Variants in GLRA3 observed in about 807,000 individuals in gnomAD.
GLRA3 encodes glycine receptor alpha 3.
A neutral mutation model predicts 60.4 loss-of-function variants in GLRA3; 44 were observed. That is an observed-to-expected ratio of 0.73 (90% confidence interval 0.57 to 0.94). GLRA3 has a LOEUF of 0.94. Ranked by LOEUF, GLRA3 falls within the 40% of genes least tolerant of loss-of-function variation. The pLI is 0.00. For synonymous variants in GLRA3, 223 were observed against 192.9 expected (o/e 1.16, Z -1.29); for missense variants, 508 against 564.6 (o/e 0.90, Z 1.02).
intron 1 of GLRA3, among the ~76,000 whole-genome samples, chr4:174,797,471 A>G (rs547605037): frequency 6.6e-6 from 1 of 152,176 alleles, no homozygotes; most frequent in African/African-American, 2.4e-5. Context: ...GGGCTCATAC[A>G]CATTCCCATC....
intron 1 of GLRA3, among the ~76,000 whole-genome samples, chr4:174,791,750 C>T (rs981118344): frequency 3.9e-5 from 6 of 152,084 alleles, no homozygotes; most frequent in Non-Finnish European, 7.4e-5. Flanking sequence ...CATATATTTT[C>T]GTTTCTTTGA....
intron 3 of GLRA3, among the ~76,000 whole-genome samples, chr4:174,755,726 A>G (rs1737666849): frequency 6.6e-6 from 1 of 152,128 alleles, no homozygotes. Context: ...CAGAGAGATT[A>G]AGATATAGAG....
chr4:174,746,197 G>A (rs574862906), intron 3 of GLRA3, among the ~76,000 whole-genome samples: 7 of 152,264 alleles, frequency 4.6e-5, no homozygotes, highest in Admixed American at 6.5e-5. Context: ...GCACTTGTAC[G>A]TTTATCACAG....
intron 5 of GLRA3, among the ~76,000 whole-genome samples, chr4:174,696,152 TA>T: frequency 6.6e-6 from 1 of 151,794 alleles, no homozygotes; most frequent in Non-Finnish European, 1.5e-5. Flanking sequence ...TCAATATCAT[TA>T]AAAAAATGAT....
intron 3 of GLRA3, among the ~76,000 whole-genome samples, chr4:174,748,323 C>G (rs1262292357): frequency 6.6e-6 from 1 of 152,084 alleles, no homozygotes; most frequent in African/African-American, 2.4e-5. Context: ...TTATTGAATA[C>G]TTTGGAAATA....
At chr4:174,776,694 G>T (rs1411812001) in intron 2 of GLRA3, among the ~76,000 whole-genome samples, 12 of 152,138 alleles carry the variant, frequency 7.9e-5, no homozygotes, top group African/African-American at 2.4e-4. Context: ...AGTGTTGAGG[G>T]TGAACCGCTG....
At chr4:174,743,562 C>G (rs1279815474) in intron 3 of GLRA3, among the ~76,000 whole-genome samples, 1 of 151,998 alleles carries the variant, frequency 6.6e-6, no homozygotes, top group African/African-American at 2.4e-5. Flanking sequence ...GATACTGTGC[C>G]CTTCTCATTG....
intron 3 of GLRA3, among the ~76,000 whole-genome samples, chr4:174,738,961 T>C (rs1050089903): frequency 1.3e-5 from 2 of 152,246 alleles, no homozygotes; most frequent in Non-Finnish European, 2.9e-5. Context: ...TATGCCCATA[T>C]ACCAGCTGAA....
At chr4:174,827,459 A>G (rs1741022966) in intron 1 of GLRA3, among the ~76,000 whole-genome samples, 1 of 151,712 alleles carries the variant, frequency 6.6e-6, no homozygotes. Flanking sequence ...TAATCAATTT[A>G]TATTTTAACA....
chr4:174,651,815 AAATG>A (rs1322905521), intron 9 of GLRA3, among the ~76,000 whole-genome samples: 1 of 152,158 alleles, frequency 6.6e-6, no homozygotes, highest in Non-Finnish European at 1.5e-5. Context: ...TTTGTGTTTT[AAATG>A]TGTTCCATGA....
chr4:174,743,905 C>T (rs1737124682), intron 3 of GLRA3, among the ~76,000 whole-genome samples: 1 of 150,096 alleles, frequency 6.7e-6, no homozygotes, highest in East Asian at 1.9e-4. Context: ...AGAACAGGAC[C>T]CCCTCTCTTG....
intron 5 of GLRA3, among the ~76,000 whole-genome samples, chr4:174,705,276 G>A (rs1735470558): frequency 7.0e-6 from 1 of 143,244 alleles, no homozygotes; most frequent in African/African-American, 2.5e-5. Flanking sequence ...TCTGTCTTCT[G>A]TGGGGTGATG....
chr4:174,794,086 C>G (rs918982587), intron 1 of GLRA3, among the ~76,000 whole-genome samples: 22 of 152,124 alleles, frequency 1.4e-4, no homozygotes, highest in African/African-American at 5.1e-4. Context: ...TTCATTAACT[C>G]ATTTCTAAAA....
At chr4:174,803,951 C>T (rs754856106) in intron 1 of GLRA3, among the ~76,000 whole-genome samples, 1 of 152,200 alleles carries the variant, frequency 6.6e-6, no homozygotes, top group African/African-American at 2.4e-5. Flanking sequence ...CCTTGACTGA[C>T]AGACTTGTCT....
At chr4:174,713,145 T>G (rs112086364) in intron 5 of GLRA3, among the ~76,000 whole-genome samples, 6 of 152,238 alleles carry the variant, frequency 3.9e-5, no homozygotes, top group African/African-American at 1.4e-4. Flanking sequence ...TAAATTAAAA[T>G]TAATTCCTAA....
rs982359811 is a variant in GLRA3, at chr4:174,696,449, G to A, written c.575-13510C>T. On this transcript the variant is annotated intron_variant, in intron 5 of 9. Transcript: ENST00000274093. The stretch of plus-strand genomic sequence containing the variant: ...GAATAACATATGGAAAACAACATAT[G>A]TAACAAATATAATACAATACAATAT... 1.0e-4 allele frequency among the ~76,000 whole-genome samples: 15 copies of A among 148,964 alleles called. No homozygotes were observed. In the East Asian group the frequency reaches 1.8e-3, roughly 17 times the overall value.
intron 7 of GLRA3, among the ~76,000 whole-genome samples, chr4:174,661,621 T>C (rs1036808535): frequency 1.3e-5 from 2 of 152,144 alleles, no homozygotes; most frequent in African/African-American, 4.8e-5. Flanking sequence ...TTGCTCCTGG[T>C]CCCATCCCCC....
chr4:174,659,109 A>T lies in GLRA3; in HGVS notation c.1016T>A (p.Phe339Tyr). 3 of 1,613,084 alleles carry T rather than the reference A, an allele frequency of 1.9e-6. No homozygotes were observed. Among genetic ancestry groups the T allele is most frequent in the Non-Finnish European group, 2.5e-6 (3 of 1,179,240 alleles). The change falls in exon 8 of 10, where the codon TTT becomes TAT. Residue 339 changes from phenylalanine to tyrosine, a missense_variant. Physicochemically the swap from Phe to Tyr is conservative, Grantham distance 22. Around this residue, in one of 3 missense-constraint regions of GLRA3, gnomAD observed 176 missense variants for 197.9 expected, o/e 0.89. Coordinates refer to ENST00000274093, the MANE Select transcript of GLRA3 (RefSeq NM_006529.4). ...SALLEYAAVN[F>Y]VSRQHKELLR... ...AAGTTCTTTGTGTTGTCTTGATACA[A>T]AATTTACAGCTGCATACTCCAGAAG...
chr4:174,778,573 T>A lies in GLRA3; in HGVS notation c.199+10243A>T, dbSNP rs563450440. On this transcript the variant is annotated intron_variant, in intron 2 of 9. Transcript: ENST00000274093. ...ATTTCCACCTGAGGTACCGGGTTCA[T>A]CTCACTGGGGAGTGCCAGACAGTGG... 8.5e-5 allele frequency among the ~76,000 whole-genome samples: 13 copies of A among 152,228 alleles called. No individual in the cohort carries two copies. The East Asian group carries it at 2.5e-3, about 30-fold the overall frequency.
Sources: gnomAD v4.1 joint callset for allele counts (sites outside exome capture counted in the v4.1 genomes callset) on GRCh38, gnomAD v4.1.1 for gene constraint, gnomAD v4.1.1 regional missense constraint, MANE v1.5 for transcripts, NCBI Gene and HGNC (gene_info 2026-07-23, HGNC 2026-07-21) for gene names.